TRPC6: variants seen among roughly 807,000 people sequenced by gnomAD.
The protein encoded by TRPC6 is transient receptor potential cation channel subfamily C member 6.
Under a neutral mutation model 90.7 loss-of-function variants are expected in TRPC6, and 55 were observed. The ratio of observed to expected loss-of-function variants is 0.61; its 90% CI spans 0.49 to 0.76. TRPC6 has a LOEUF of 0.76. Among genes scored for constraint, TRPC6 ranks in the 30% least tolerant of loss-of-function variants. The pLI, the probability that TRPC6 is intolerant of heterozygous loss-of-function variation, is 0.00. For synonymous variants in TRPC6, 393 were observed against 393.0 expected, an observed-to-expected ratio of 1.00 and a Z score of 0.00; for missense variants, 989 against 1,122.7, an observed-to-expected ratio of 0.88 and a Z score of 1.70.
At position 101,503,603 on chromosome 11, in the gene TRPC6, CTG is replaced by C. The variant is rs765751761; in HGVS notation, c.945+419_945+420del. Among the ~76,000 whole-genome samples the C allele has an allele frequency of 6.6e-5, 10 of 152,312 alleles. 1 individual carries two copies. The South Asian group carries it at 1.7e-3, about 25-fold the overall frequency. On this transcript the variant is annotated intron_variant, in intron 2 of 12. Coordinates refer to ENST00000344327, the MANE Select transcript of TRPC6 (RefSeq NM_004621.6). ...TTTCTGACCTCAACAGCATCTATCA[CTG>C]TGCTCTGAACATGGAAATAGTGTTT...
chr11:101,462,366 C>G (rs10895110), intron 10 of TRPC6, among the ~76,000 whole-genome samples: 1 of 151,950 alleles, frequency 6.6e-6, no homozygotes, highest in African/African-American at 2.4e-5. Context: ...GGTAGCTTGA[C>G]GAGGATAGCA....
chr11:101,579,753 A>G (rs1004988543), intron 1 of TRPC6, among the ~76,000 whole-genome samples: 1 of 152,156 alleles, frequency 6.6e-6, no homozygotes, highest in African/African-American at 2.4e-5. Flanking sequence ...TGGTGGGCAT[A>G]TATTTCTAGC....
chr11:101,488,943 G>A lies in TRPC6; in HGVS notation c.1287C>T (p.Cys429=). Residue 429 remains cysteine, a synonymous_variant, in exon 4 of 13, where the codon TGC becomes TGT. Coordinates refer to ENST00000344327, the MANE Select transcript of TRPC6 (RefSeq NM_004621.6). ...CCAGGCTTCACATACATACCTTGCTGCATGGAGCAAACCAGTAAATGAGAG... is the reference window on the plus strand; with the variant it reads ...CCAGGCTTCACATACATACCTTGCTACATGGAGCAAACCAGTAAATGAGAG... ...FLALIYWFAP[C]SKMGKIMRGP... 5.6e-6 allele frequency: 9 copies of A among 1,614,090 alleles called. No homozygotes were observed. The highest frequency in any genetic ancestry group is 6.8e-6 in the Non-Finnish European group (8 of 1,179,998).
chr11:101,504,594 G>C lies in TRPC6; in HGVS notation c.375C>G (p.Asn125Lys), dbSNP rs201643083. 1 of 1,613,978 alleles carries C rather than the reference G, an allele frequency of 6.2e-7. No individual in the cohort carries two copies. Among genetic ancestry groups the C allele is most frequent in the Admixed American group, 1.7e-5 (1 of 59,998 alleles). Residue 125 changes from asparagine (N) to lysine (K), a missense_variant, in exon 2 of 13, where the codon AAC becomes AAG. Around this residue, in one of 4 missense-constraint regions of TRPC6, gnomAD observed 486 missense variants for 591.9 expected, o/e 0.82. Transcript: ENST00000344327. ...GGCCCATGTAATCCACACAGTTAAC[G>C]TTGAGTGAGTGGCATTCTTCTAACA... ...RKMLEECHSL[N>K]VNCVDYMGQN...
chr11:101,487,790 G>A lies in TRPC6; in HGVS notation c.1293+1147C>T, dbSNP rs372582815. ...TTAAGGGGAAAATATCTATGATGAT[G>A]GATTTTACTCTCATAAGAAAATGTC... is the stretch of plus-strand genomic sequence containing the variant. On this transcript the variant is annotated intron_variant, in intron 4 of 12. Transcript: ENST00000344327. 7.2e-5 allele frequency among the ~76,000 whole-genome samples: 11 copies of A among 152,082 alleles called. 1 individual carries two copies. In the East Asian group the frequency reaches 1.7e-3, roughly 24 times the overall value.
In TRPC6 at chr11:101,452,738, G is replaced by A. The variant is rs944471735; in HGVS notation, c.*217C>T. On this transcript the variant is annotated 3_prime_UTR_variant, in exon 13 of 13. Transcript: ENST00000344327. Reference sequence around the variant, plus strand: ...TTATAAAACAAGCACCAAACAACTGGGCATAATTTTCCTCATTATCTACAG... The same window carrying A: ...TTATAAAACAAGCACCAAACAACTGAGCATAATTTTCCTCATTATCTACAG... 1 of 556,672 alleles carries A rather than the reference G, an allele frequency of 1.8e-6. No individual in the cohort carries two copies. The highest frequency in any genetic ancestry group is 3.2e-6 in the Non-Finnish European group (1 of 313,320). 34.5% of individuals were successfully genotyped at this position (556,672 alleles called of 1,614,324 possible). A position where few individuals can be genotyped will look rare whatever the true frequency, so the allele number is the denominator to read the frequency against.
At chr11:101,504,910 C>G in intron 1 of TRPC6, 112 bp from the exon 2 acceptor site, 2 of 1,199,582 alleles carry the variant, frequency 1.7e-6, no homozygotes, top group Non-Finnish European at 2.3e-6. Flanking sequence ...GTTGTCTCAT[C>G]ATCTCTAGAC....
At chr11:101,476,621 C>G in intron 5 of TRPC6, 87 bp from the exon 6 acceptor site, 1 of 1,233,224 alleles carries the variant, frequency 8.1e-7, no homozygotes, top group Non-Finnish European at 1.2e-6. Flanking sequence ...AAGGTCTCAG[C>G]CTGACATTAC....
At chr11:101,474,335 A>C (rs1263529273) in intron 6 of TRPC6, among the ~76,000 whole-genome samples, 1 of 152,180 alleles carries the variant, frequency 6.6e-6, no homozygotes, top group African/African-American at 2.4e-5. Flanking sequence ...CACTCAAACA[A>C]GTCTATTTTT....
chr11:101,542,609 T>TA (rs35068758), intron 1 of TRPC6, among the ~76,000 whole-genome samples: 17,422 of 144,494 alleles, frequency 0.12, 1,109 homozygotes, highest in Middle Eastern at 0.15. Flanking sequence ...GCTACAGCAT[T>TA]AAAAAAAAAA....
intron 3 of TRPC6, 92 bp from the exon 4 acceptor site, chr11:101,489,193 A>G (rs376583355): frequency 1.1e-5 from 13 of 1,157,460 alleles, no homozygotes; most frequent in East Asian, 1.0e-4. Context: ...ATGCTTTCCA[A>G]TGAAATACAT....
chr11:101,546,050 C>CCTTTTTTTTTTTT (rs1861295770), intron 1 of TRPC6, among the ~76,000 whole-genome samples: 3 of 29,690 alleles, frequency 1.0e-4, no homozygotes, highest in African/African-American at 3.9e-4. Flanking sequence ...ATTTATAACT[C>CCTTTTTTTTTTTT]TTTTTTTTTT....
intron 1 of TRPC6, among the ~76,000 whole-genome samples, chr11:101,565,523 T>A (rs1481332883): frequency 6.6e-6 from 1 of 152,008 alleles, no homozygotes; most frequent in Non-Finnish European, 1.5e-5. Flanking sequence ...AATTCCAATA[T>A]AAAATTTTGC....
At chr11:101,474,055 C>T (rs990887243) in intron 6 of TRPC6, among the ~76,000 whole-genome samples, 10 of 152,106 alleles carry the variant, frequency 6.6e-5, no homozygotes, top group South Asian at 2.1e-4. Context: ...TATGTATGTA[C>T]GCACACACAC....
chr11:101,508,869 A>T (rs556568033), intron 1 of TRPC6, among the ~76,000 whole-genome samples: 1 of 152,170 alleles, frequency 6.6e-6, no homozygotes, highest in East Asian at 1.9e-4. Flanking sequence ...ATTTTTTTTC[A>T]TCCATTAAAA....
intron 1 of TRPC6, among the ~76,000 whole-genome samples, chr11:101,522,041 ATTAG>A (rs1284676333): frequency 6.6e-6 from 1 of 152,194 alleles, no homozygotes; most frequent in Non-Finnish European, 1.5e-5. Context: ...TAATGCTGAA[ATTAG>A]TTAAGACTTG....
At chr11:101,519,136 G>A (rs1860592024) in intron 1 of TRPC6, among the ~76,000 whole-genome samples, 1 of 152,074 alleles carries the variant, frequency 6.6e-6, no homozygotes, top group Admixed American at 6.6e-5. Flanking sequence ...TAGCACAATA[G>A]GTTAACCATA....
intron 2 of TRPC6, among the ~76,000 whole-genome samples, chr11:101,502,993 T>G (rs17741616): frequency 0.022 from 3,308 of 152,308 alleles, 56 homozygotes; most frequent in Non-Finnish European, 0.029. Context: ...CAATATTCAC[T>G]TCTGTAAAAC....
chr11:101,484,875 A>G lies in TRPC6; in HGVS notation c.1294-1710T>C, dbSNP rs533522493. Among the ~76,000 whole-genome samples, 33 of 152,152 alleles carry G rather than the reference A, an allele frequency of 2.2e-4. 2 individuals are homozygous for G. In the South Asian group the frequency reaches 5.4e-3, roughly 25 times the overall value. ...TTTAAATTGACATATATTTGTACATATTTATGGGCGGTATATAGTGATGTG... is the reference window on the plus strand; with the variant it reads ...TTTAAATTGACATATATTTGTACATGTTTATGGGCGGTATATAGTGATGTG... On this transcript the variant is annotated intron_variant, in intron 4 of 12. Transcript: ENST00000344327.
Sources: allele counts gnomAD v4.1 joint callset (sites outside exome capture counted in the v4.1 genomes callset), GRCh38; gene constraint gnomAD v4.1.1; regional missense constraint gnomAD v4.1.1; transcripts MANE v1.5; gene names NCBI Gene and HGNC (gene_info 2026-07-23, HGNC 2026-07-21).